The following LHX4 variants were observed in gnomAD, a reference collection of about 807,000 sequenced individuals.
LHX4 encodes LIM/homeobox protein Lhx4.
A neutral mutation model predicts 39.2 loss-of-function variants in LHX4; 16 were observed. That is an observed-to-expected ratio of 0.41 (90% CI 0.28 to 0.62). The LOEUF (loss-of-function observed/expected upper bound fraction) is 0.62, where lower values mean the gene tolerates loss of function less well. Among genes scored for constraint, LHX4 ranks in the 20% least tolerant of loss-of-function variants. The pLI is 0.33. For missense variants in LHX4, 439 were observed against 511.9 expected (o/e 0.86, Z 1.37); for synonymous variants, 206 against 198.1 (o/e 1.04, Z -0.33).
intron 5 of LHX4, among the ~76,000 whole-genome samples, chr1:180,272,266 C>T (rs1648717091): frequency 6.6e-6 from 1 of 152,154 alleles, no homozygotes; most frequent in Admixed American, 6.5e-5. Flanking sequence ...TCTCCCCTCC[C>T]CTCCTGCTGA....
chr1:180,241,022 T>G (rs1280690944), intron 1 of LHX4, among the ~76,000 whole-genome samples: 2 of 152,242 alleles, frequency 1.3e-5, no homozygotes, highest in Non-Finnish European at 2.9e-5. Context: ...GGGCATTTAG[T>G]TGTCTCTAGG....
chr1:180,249,052 G>A (rs1647496971), intron 2 of LHX4, among the ~76,000 whole-genome samples: 2 of 152,206 alleles, frequency 1.3e-5, no homozygotes. Context: ...GGCTCTGCCT[G>A]TATTCGAACC....
chr1:180,241,920 C>T (rs773156427), intron 1 of LHX4, among the ~76,000 whole-genome samples: 17 of 151,806 alleles, frequency 1.1e-4, no homozygotes, highest in Admixed American at 3.9e-4. Flanking sequence ...TGGGCTCAAG[C>T]GATCCTCTTG....
intron 5 of LHX4, 175 bp from the exon 6 acceptor site, chr1:180,274,010 G>A (rs759909274): frequency 5.9e-5 from 41 of 692,044 alleles, no homozygotes; most frequent in Non-Finnish European, 9.4e-5. Flanking sequence ...TCCTTGGCCT[G>A]GGTTGGCCTC....
rs1558207210 is a variant in LHX4, at chr1:180,234,203, ATATATATATATATATAT to A, written c.76+3599_76+3615del. ...TATATATATATATATATATATATAT[ATATATATATATATATAT>A]AATAGATTGAGATTCTATCATATTC... On this transcript the variant is annotated intron_variant, in intron 1 of 5. Coordinates refer to ENST00000263726, the MANE Select transcript of LHX4 (RefSeq NM_033343.4). This position sits in a 1 kb window ranked among gnomAD's most constrained non-coding sequence, Gnocchi z 4.8. 0.02 allele frequency among the ~76,000 whole-genome samples: 1,370 copies of A among 68,820 alleles called. 38 individuals are homozygous for A. Among genetic ancestry groups the A allele is most frequent in the South Asian group, 0.085 (136 of 1,598 alleles). 45.1% of individuals were successfully genotyped at this position (68,820 alleles called of 152,430 possible).
At chr1:180,243,526 G>T (rs1219197101) in intron 1 of LHX4, among the ~76,000 whole-genome samples, 1 of 152,120 alleles carries the variant, frequency 6.6e-6, no homozygotes, top group Non-Finnish European at 1.5e-5. Context: ...AAAATTTCCA[G>T]ATAGTTTATA....
chr1:180,275,790 T>A lies in LHX4; in HGVS notation c.*1211T>A, dbSNP rs1466545036. On this transcript the variant is annotated 3_prime_UTR_variant, in exon 6 of 6. Transcript: ENST00000263726. ...CTCTCTGGATTGCTGGCTGGACACC[T>A]GCCATGCCTTGGGCTGCAGTCCCAT... is the stretch of plus-strand genomic sequence containing the variant. 6.6e-6 allele frequency: 1 copy of A among 152,290 alleles called. No homozygotes were observed. Among genetic ancestry groups the A allele is most frequent in the Non-Finnish European group, 1.5e-5 (1 of 68,072 alleles). The allele number at this position is 152,290 out of a possible 1,614,324, so 9.4% of individuals were successfully genotyped here. A position where few individuals can be genotyped will look rare whatever the true frequency, so the allele number is the denominator to read the frequency against.
chr1:180,266,293 C>T lies in LHX4; in HGVS notation c.249-99C>T. On this transcript the variant is annotated intron_variant, in intron 2 of 5. Transcript: ENST00000263726. The surrounding 1 kb of genome is among the most constrained non-coding windows in gnomAD (Gnocchi z 5.7). ...ACTGGGGGGTGAGGCTCATGGAGTC[C>T]CGGAGTGGTGGGGTAGGAGGGAGGC... 1.7e-6 allele frequency: 2 copies of T among 1,168,470 alleles called. No homozygotes were observed. The highest frequency in any genetic ancestry group is 1.2e-5 in the South Asian group (1 of 81,006). The allele number at this position is 1,168,470 out of a possible 1,614,324, so 72.4% of individuals were successfully genotyped here. A position where few individuals can be genotyped will look rare whatever the true frequency, so the allele number is the denominator to read the frequency against.
chr1:180,268,509 T>TC (rs905405305), intron 3 of LHX4, among the ~76,000 whole-genome samples: 1 of 152,078 alleles, frequency 6.6e-6, no homozygotes, highest in African/African-American at 2.4e-5. Context: ...TGGCTGGGCA[T>TC]CCCCCCACAC....
intron 2 of LHX4, among the ~76,000 whole-genome samples, chr1:180,253,661 G>A (rs547006240): frequency 6.6e-6 from 1 of 152,300 alleles, no homozygotes; most frequent in Admixed American, 6.5e-5. Flanking sequence ...AGGAGCTCAC[G>A]CTAACCCACC....
chr1:180,258,229 AG>A (rs968319341), intron 2 of LHX4, among the ~76,000 whole-genome samples: 1 of 152,204 alleles, frequency 6.6e-6, no homozygotes, highest in Admixed American at 6.5e-5. Context: ...GGAGGGGTCC[AG>A]GGGTGTCCCC....
chr1:180,247,712 G>A (rs1647443194), intron 1 of LHX4, among the ~76,000 whole-genome samples: 1 of 152,204 alleles, frequency 6.6e-6, no homozygotes, highest in African/African-American at 2.4e-5. Context: ...GGTATCAGTT[G>A]CAGTTCATTA....
At chr1:180,256,214 G>A (rs1030628721) in intron 2 of LHX4, among the ~76,000 whole-genome samples, 6 of 152,096 alleles carry the variant, frequency 3.9e-5, no homozygotes, top group African/African-American at 1.4e-4. Flanking sequence ...TCCTCAGCCC[G>A]TCTGGCTCTT....
At chr1:180,244,889 T>G (rs1647327228) in intron 1 of LHX4, among the ~76,000 whole-genome samples, 1 of 148,448 alleles carries the variant, frequency 6.7e-6, no homozygotes, top group Non-Finnish European at 1.5e-5. Flanking sequence ...AGGGCAGAGG[T>G]GCGGCTGTGC....
chr1:180,249,878 C>T (rs61809135), intron 2 of LHX4, among the ~76,000 whole-genome samples: 29,031 of 143,052 alleles, frequency 0.2, 2,927 homozygotes, highest in African/African-American at 0.24. Flanking sequence ...CGTGTGTGTG[C>T]GTGTGTGAGT....
In LHX4 at chr1:180,271,989, G is replaced by C. The variant is rs1177695030; in HGVS notation, c.761G>C (p.Ser254Thr). 3 of 1,612,708 alleles carry C rather than the reference G, an allele frequency of 1.9e-6. No homozygotes were observed. The Admixed American group carries it at 5.0e-5, about 27-fold the overall frequency. ...SSAEDCGVSD[S>T]ELSFREDQIL... ...GCAGAGGACTGTGGGGTTAGTGACA[G>C]TGAGCTGAGCTTCCGAGGTGAGCAG... is the stretch of plus-strand genomic sequence containing the variant. Residue 254 changes from serine (S) to threonine (T), a missense_variant, in exon 5 of 6, where the codon AGT becomes ACT. Transcript: ENST00000263726.
At chr1:180,235,406 G>A (rs1464092120) in intron 1 of LHX4, among the ~76,000 whole-genome samples, 2 of 152,234 alleles carry the variant, frequency 1.3e-5, no homozygotes, top group Non-Finnish European at 2.9e-5. Context: ...TTAGGAGGAG[G>A]CCGGGTGAAA....
At chr1:180,258,061 T>C (rs1369567708) in intron 2 of LHX4, among the ~76,000 whole-genome samples, 2 of 152,258 alleles carry the variant, frequency 1.3e-5, no homozygotes, top group Non-Finnish European at 2.9e-5. Flanking sequence ...AGCCAGGTCC[T>C]GCTCTGGGTG....
At chr1:180,268,790 A>G (rs1307842173) in intron 3 of LHX4, among the ~76,000 whole-genome samples, 2 of 152,214 alleles carry the variant, frequency 1.3e-5, no homozygotes, top group Non-Finnish European at 2.9e-5. Context: ...GCTGTGAGCA[A>G]GGCAGGGCTC....
Sources: allele counts gnomAD v4.1 joint callset (sites outside exome capture counted in the v4.1 genomes callset), GRCh38; gene constraint gnomAD v4.1.1; non-coding constraint Gnocchi (gnomAD v3.1); transcripts MANE v1.5; gene names NCBI Gene and HGNC (gene_info 2026-07-23, HGNC 2026-07-21).